NEGR1: variants seen among roughly 807,000 people sequenced by gnomAD.
NEGR1 encodes the protein neuronal growth regulator 1, also known as IgLON family member 4.
NEGR1 carries 10 observed loss-of-function variants against 40.9 expected under a neutral mutation model. The observed-to-expected ratio is 0.24, with a 90% CI of 0.15 to 0.42. NEGR1 has a LOEUF of 0.42. Among genes scored for constraint, NEGR1 ranks in the 10% least tolerant of loss-of-function variants. NEGR1 has a pLI of 1.00. For missense variants in NEGR1, 352 were observed against 438.9 expected, an observed-to-expected ratio of 0.80 and a Z score of 1.77; for synonymous variants, 185 against 166.8, an observed-to-expected ratio of 1.11 and a Z score of -0.84.
intron 2 of NEGR1, among the ~76,000 whole-genome samples, chr1:71,852,589 T>G (rs1659639429): frequency 6.6e-6 from 1 of 152,102 alleles, no homozygotes; most frequent in Non-Finnish European, 1.5e-5. Flanking sequence ...GTGTGCAACA[T>G]TTCCAGACAA....
chr1:71,696,151 T>G (rs1653467864), intron 4 of NEGR1, among the ~76,000 whole-genome samples: 2 of 151,966 alleles, frequency 1.3e-5, no homozygotes, highest in East Asian at 3.9e-4. Flanking sequence ...TCTGTTCTTT[T>G]GCTTTATGGA....
intron 2 of NEGR1, among the ~76,000 whole-genome samples, chr1:71,839,051 G>T (rs1659141584): frequency 6.6e-6 from 1 of 151,640 alleles, no homozygotes; most frequent in Admixed American, 6.6e-5. Context: ...TGGGAAAGTT[G>T]AAATGCTGTG....
Position 72,057,699 on chromosome 1 carries a change from T to C in NEGR1, c.177-122388A>G, listed in dbSNP as rs563867411. Among the ~76,000 whole-genome samples the C allele has an allele frequency of 7.7e-4, 116 of 151,562 alleles. 1 individual carries two copies. The highest frequency in any genetic ancestry group is 2.7e-3 in the African/African-American group (110 of 41,448). ...ATTGAATGGTTTACATATATAACTTTATTTTCTCACAGTTCTGGAGACTGG... is the reference window on the plus strand; with the variant it reads ...ATTGAATGGTTTACATATATAACTTCATTTTCTCACAGTTCTGGAGACTGG... On this transcript the variant is annotated intron_variant, in intron 1 of 6. Coordinates refer to ENST00000357731, the MANE Select transcript of NEGR1 (RefSeq NM_173808.3).
intron 1 of NEGR1, among the ~76,000 whole-genome samples, chr1:72,123,421 T>G (rs1327221216): frequency 6.6e-6 from 1 of 151,704 alleles, no homozygotes; most frequent in African/African-American, 2.4e-5. Flanking sequence ...ATAACTAAAA[T>G]TGCTTTAAAA....
Position 71,739,535 on chromosome 1 carries a change from AC to A in NEGR1, c.535+36636del, listed in dbSNP as rs560168374. The stretch of plus-strand genomic sequence containing the variant: ...CAAAACAAAAAACTAAAAAAAAAAA[AC>A]CCTCTTAAATCATTCTTACTCTTTT... On this transcript the variant is annotated intron_variant, in intron 3 of 6. Coordinates refer to ENST00000357731, the MANE Select transcript of NEGR1 (RefSeq NM_173808.3). Among the ~76,000 whole-genome samples, 42 of 151,460 alleles carry A rather than the reference AC, an allele frequency of 2.8e-4. No individual in the cohort carries two copies. The East Asian group carries it at 8.0e-3, about 29-fold the overall frequency.
chr1:71,757,298 A>T (rs962050778), intron 3 of NEGR1, among the ~76,000 whole-genome samples: 1 of 152,142 alleles, frequency 6.6e-6, no homozygotes, highest in Non-Finnish European at 1.5e-5. Context: ...TCTCCATAAA[A>T]TTTTTAAAAC....
intron 6 of NEGR1, among the ~76,000 whole-genome samples, chr1:71,415,664 TAAAG>T (rs1427606371): frequency 1.3e-5 from 2 of 152,166 alleles, no homozygotes; most frequent in African/African-American, 2.4e-5. Context: ...GTTGCTGAAA[TAAAG>T]AAGTCTCAAA....
At chr1:71,612,628 A>G (rs1490896423) in intron 4 of NEGR1, among the ~76,000 whole-genome samples, 1 of 152,214 alleles carries the variant, frequency 6.6e-6, no homozygotes, top group African/African-American at 2.4e-5. Context: ...CAAAACCCTT[A>G]TAGTTGCAAG....
At chr1:72,009,152 T>G (rs1258988596) in intron 1 of NEGR1, among the ~76,000 whole-genome samples, 1 of 152,066 alleles carries the variant, frequency 6.6e-6, no homozygotes, top group Non-Finnish European at 1.5e-5. Context: ...TTTGTCAAAA[T>G]ATTTTATATG....
rs1387837378 is a variant in NEGR1 at position 71,872,887 on chromosome 1, T to G, written c.409+62192A>C. ...TTGTTTGTTGCCATGTGGACATTGT[T>G]GTTCTCTCTCTTTTTACTTCATTTC... On this transcript the variant is annotated intron_variant, in intron 2 of 6. Transcript: ENST00000357731. 3.9e-5 allele frequency among the ~76,000 whole-genome samples: 6 copies of G among 152,262 alleles called. 1 individual carries two copies. The highest frequency in any genetic ancestry group is 3.9e-4 in the Admixed American group (6 of 15,290).
intron 6 of NEGR1, among the ~76,000 whole-genome samples, chr1:71,563,721 AT>A (rs1648531685): frequency 6.6e-6 from 1 of 152,030 alleles, no homozygotes; most frequent in Non-Finnish European, 1.5e-5. Context: ...TTCACTGGGA[AT>A]CTTGCCTTTC....
Position 71,592,957 on chromosome 1 carries a change from C to T in NEGR1, c.800G>A (p.Gly267Asp). Residue 267 changes from glycine (G) to aspartate (D), a missense_variant, in exon 6 of 7, where the codon GGC (glycine) becomes GAC (aspartate). Transcript: ENST00000357731. ...ATTTTGAATAATAATTCCTTGTTGG[C>T]CATTGAAGAGCCTAGAAGACAAAAT... ...WYKGEKKLFN[G>D]QQGIIIQNFS... 1.9e-6 allele frequency: 3 copies of T among 1,609,418 alleles called. No homozygotes were observed. Among genetic ancestry groups the T allele is most frequent in the Non-Finnish European group, 2.6e-6 (3 of 1,176,064 alleles).
intron 1 of NEGR1, among the ~76,000 whole-genome samples, chr1:72,216,488 AT>A (rs1466950410): frequency 6.0e-5 from 9 of 149,220 alleles, no homozygotes; most frequent in African/African-American, 2.2e-4. Flanking sequence ...TTTATGAATA[AT>A]CATTTTTAAA....
chr1:71,759,443 G>T (rs1399907592), intron 3 of NEGR1, among the ~76,000 whole-genome samples: 2 of 149,294 alleles, frequency 1.3e-5, no homozygotes, highest in East Asian at 2.0e-4. Flanking sequence ...AATTACAGGC[G>T]CATGCCGCCA....
chr1:71,787,684 T>C (rs1001162958), intron 2 of NEGR1, among the ~76,000 whole-genome samples: 3 of 152,128 alleles, frequency 2.0e-5, no homozygotes, highest in African/African-American at 7.2e-5. Context: ...TGTTGGACAA[T>C]TTTCTTGATA....
intron 2 of NEGR1, among the ~76,000 whole-genome samples, chr1:71,816,000 T>C (rs1658192626): frequency 6.6e-6 from 1 of 152,092 alleles, no homozygotes; most frequent in South Asian, 2.1e-4. Context: ...TTACACAAAT[T>C]GAATTTCAAG....
chr1:71,969,621 G>GT (rs1418488555), intron 1 of NEGR1, among the ~76,000 whole-genome samples: 1 of 152,192 alleles, frequency 6.6e-6, no homozygotes, highest in Non-Finnish European at 1.5e-5. Flanking sequence ...GGGGGCAGGT[G>GT]TGGAAAGAAA....
intron 1 of NEGR1, among the ~76,000 whole-genome samples, chr1:72,223,132 C>T (rs1028473473): frequency 6.6e-6 from 1 of 151,922 alleles, no homozygotes; most frequent in Admixed American, 6.6e-5. Flanking sequence ...TAATTCTAGC[C>T]CCTAACCATC....
At chr1:71,850,506 C>T (rs770643934) in intron 2 of NEGR1, among the ~76,000 whole-genome samples, 5 of 152,008 alleles carry the variant, frequency 3.3e-5, no homozygotes, top group African/African-American at 4.8e-5. Flanking sequence ...AAAATAAACT[C>T]CTACACGGCC....
Sources: allele counts gnomAD v4.1 joint callset (sites outside exome capture counted in the v4.1 genomes callset), GRCh38; gene constraint gnomAD v4.1.1; transcripts MANE v1.5; gene names NCBI Gene and HGNC (gene_info 2026-07-23, HGNC 2026-07-21).